Variants in NAV1 observed in about 807,000 individuals in gnomAD.
NAV1 encodes pore membrane and/or filament interacting like protein 3.
In NAV1, 18 loss-of-function variants were observed where a neutral mutation model predicts 175.2. The ratio of observed to expected loss-of-function variants is 0.10; its 90% CI spans 0.07 to 0.15. The LOEUF (loss-of-function observed/expected upper bound fraction) is 0.15, where lower values mean the gene tolerates loss of function less well. Among genes scored for constraint, NAV1 ranks in the 10% least tolerant of loss-of-function variants. The pLI is 1.00. For missense variants in NAV1, 1,731 were observed against 2,436.6 expected, an observed-to-expected ratio of 0.71 and a Z score of 6.10; for synonymous variants, 897 against 978.7, an observed-to-expected ratio of 0.92 and a Z score of 1.56.
intron 8 of NAV1, among the ~76,000 whole-genome samples, chr1:201,786,133 C>T (rs917491821): frequency 2.0e-5 from 3 of 152,154 alleles, no homozygotes; most frequent in Non-Finnish European, 2.9e-5. Context: ...AATCATAAGT[C>T]TCTGTCCTGA....
At position 201,629,521 on chromosome 1, in the gene NAV1, G is replaced by T; in HGVS notation, c.4+14G>T. On this transcript the variant is annotated intron_variant, in intron 2 of 29. Transcript: ENST00000367302. Reference sequence around the variant, plus strand: ...TCTCCTGCATGGGTAAGTGATCTGGGGGAGACTTCCTCCTAGGGTCGGGAG... The same window carrying T: ...TCTCCTGCATGGGTAAGTGATCTGGTGGAGACTTCCTCCTAGGGTCGGGAG... 1 of 1,298,846 alleles carries T rather than the reference G, an allele frequency of 7.7e-7. No individual in the cohort carries two copies. The highest frequency in any genetic ancestry group is 1.0e-6 in the Non-Finnish European group (1 of 985,418). The allele number at this position is 1,298,846 out of a possible 1,614,324, so 80.5% of individuals were successfully genotyped here.
intron 2 of NAV1, among the ~76,000 whole-genome samples, chr1:201,613,753 A>G (rs1667919703): frequency 6.6e-6 from 1 of 152,036 alleles, no homozygotes. Context: ...TCCTGGCTAC[A>G]TGGGAGGCTG....
At chr1:201,801,144 C>T (rs184175925) in intron 15 of NAV1, among the ~76,000 whole-genome samples, 5 of 152,270 alleles carry the variant, frequency 3.3e-5, no homozygotes, top group East Asian at 3.9e-4. Context: ...GAATTTCCCA[C>T]GCCTTTTAAA....
intron 15 of NAV1, among the ~76,000 whole-genome samples, chr1:201,801,575 C>T (rs1677868946): frequency 6.6e-6 from 1 of 152,120 alleles, no homozygotes; most frequent in African/African-American, 2.4e-5. Flanking sequence ...CCTGCCTTGG[C>T]ATCCCTGGGT....
At chr1:201,648,760 G>A in exon 1 of NAV1, 1 of 1,402,118 alleles carries the variant, frequency 7.1e-7, no homozygotes, top group Non-Finnish European at 9.2e-7. Flanking sequence ...CGGGGCGCCG[G>A]CAGGAAGGCG....
intron 1 of NAV1, among the ~76,000 whole-genome samples, chr1:201,651,104 G>A (rs913402215): frequency 2.2e-5 from 3 of 135,988 alleles, no homozygotes; most frequent in Non-Finnish European, 3.3e-5. Flanking sequence ...CTGAAAGCAG[G>A]GTGAGAGAGG....
chr1:201,664,462 C>T (rs1241435230), intron 1 of NAV1, among the ~76,000 whole-genome samples: 1 of 152,222 alleles, frequency 6.6e-6, no homozygotes, highest in African/African-American at 2.4e-5. Context: ...TAATATCTGT[C>T]TCATAGGATT....
upstream of NAV1, among the ~76,000 whole-genome samples, chr1:201,646,472 A>T (rs949779733): frequency 1.3e-5 from 2 of 152,106 alleles, no homozygotes; most frequent in African/African-American, 4.8e-5. Context: ...CAAGTCTTGT[A>T]TTGTCTACCT....
chr1:201,560,201 T>C (rs1280523987), intron 1 of NAV1, among the ~76,000 whole-genome samples: 1 of 152,242 alleles, frequency 6.6e-6, no homozygotes, highest in Non-Finnish European at 1.5e-5. Flanking sequence ...AGATTCTTGC[T>C]TTCTCTCATG....
intron 1 of NAV1, among the ~76,000 whole-genome samples, chr1:201,577,228 T>C (rs1666715366): frequency 6.6e-6 from 1 of 152,216 alleles, no homozygotes; most frequent in Non-Finnish European, 1.5e-5. Flanking sequence ...ACAAATATTT[T>C]CTCCTACTCT....
intron 2 of NAV1, among the ~76,000 whole-genome samples, chr1:201,616,661 AT>A (rs1449618248): frequency 6.6e-6 from 1 of 151,760 alleles, no homozygotes; most frequent in East Asian, 1.9e-4. Flanking sequence ...CTAATTTTGT[AT>A]TTTCAGTAGA....
At position 201,665,821 on chromosome 1, in the gene NAV1, C is replaced by T. The variant is rs74136661; in HGVS notation, c.757+16396C>T. The stretch of plus-strand genomic sequence containing the variant: ...CTGCTTGGAGTTTTTCTACCATCTA[C>T]GTTGCATCCTCCCTCATCTCTCAAT... On this transcript the variant is annotated intron_variant, in intron 1 of 29. Coordinates refer to ENST00000367296, the Ensembl canonical transcript of NAV1. 8.1e-3 allele frequency among the ~76,000 whole-genome samples: 1,237 copies of T among 151,894 alleles called. 33 individuals carry two copies. Among genetic ancestry groups the T allele is most frequent in the African/African-American group, 0.029 (1,191 of 41,362 alleles).
At chr1:201,795,665 T>C (rs948567251) in intron 15 of NAV1, 5 of 152,146 alleles carry the variant, frequency 3.3e-5, no homozygotes, top group African/African-American at 1.2e-4. Flanking sequence ...GTCACCATCA[T>C]TCTACCAAAA....
intron 1 of NAV1, among the ~76,000 whole-genome samples, chr1:201,570,081 C>T (rs186669726): frequency 3.9e-5 from 6 of 152,238 alleles, no homozygotes; most frequent in Admixed American, 6.5e-5. Context: ...TATAGTCATC[C>T]GGGGTGAGCG....
chr1:201,803,819 G>T (rs183220297), intron 16 of NAV1, 105 bp downstream of exon 20: 1 of 1,391,916 alleles, frequency 7.2e-7, no homozygotes, highest in Non-Finnish European at 9.8e-7. Context: ...GTGTAGTCCC[G>T]TCTAACACTG....
At chr1:201,759,101 A>G (rs998973708) in intron 3 of NAV1, among the ~76,000 whole-genome samples, 1 of 152,244 alleles carries the variant, frequency 6.6e-6, no homozygotes, top group African/African-American at 2.4e-5. Context: ...TTGTTGTAAT[A>G]ACAATATCTA....
intron 15 of NAV1, chr1:201,796,900 C>G (rs1267064624): frequency 1.3e-5 from 2 of 152,196 alleles, no homozygotes. Context: ...CCTTATCAGA[C>G]ACATGATTTG....
chr1:201,615,374 C>T (rs1667975289), intron 2 of NAV1, among the ~76,000 whole-genome samples: 1 of 151,882 alleles, frequency 6.6e-6, no homozygotes, highest in South Asian at 2.1e-4. Context: ...AGGCGATTCT[C>T]CTGCTTCAGC....
At chr1:201,801,095 T>C (rs950072695) in intron 15 of NAV1, among the ~76,000 whole-genome samples, 4 of 152,214 alleles carry the variant, frequency 2.6e-5, no homozygotes, top group Admixed American at 1.3e-4. Context: ...CCCAAAGTGC[T>C]GGGATTACAG....
Sources: allele counts gnomAD v4.1 joint callset (sites outside exome capture counted in the v4.1 genomes callset), GRCh38; gene constraint gnomAD v4.1.1; transcripts MANE v1.5; gene names NCBI Gene and HGNC (gene_info 2026-07-23, HGNC 2026-07-21).